SRRM1: variants seen among roughly 807,000 people sequenced by gnomAD.
SRRM1 encodes serine/arginine repetitive matrix protein 1.
SRRM1 carries 19 observed loss-of-function variants against 110.2 expected under a neutral mutation model. That is an observed-to-expected ratio of 0.17 (90% confidence interval 0.12 to 0.25). The LOEUF (loss-of-function observed/expected upper bound fraction) is 0.25, where lower values mean the gene tolerates loss of function less well. Among genes scored for constraint, SRRM1 ranks in the 10% least tolerant of loss-of-function variants. SRRM1 has a pLI of 1.00. For missense variants in SRRM1, 918 were observed against 1,145.8 expected (o/e 0.80, Z 2.87); for synonymous variants, 443 against 414.9 (o/e 1.07, Z -0.82).
intron 8 of SRRM1, among the ~76,000 whole-genome samples, chr1:24,654,558 C>T (rs759684431): frequency 1.3e-5 from 2 of 152,174 alleles, no homozygotes; most frequent in Non-Finnish European, 1.5e-5. Context: ...ATTCCTAAGG[C>T]AGAAGGACTA....
chr1:24,651,636 T>C, intron 6 of SRRM1, 24 bp downstream of exon 6: 1 of 1,541,844 alleles, frequency 6.5e-7, no homozygotes, highest in Non-Finnish European at 8.9e-7. Context: ...AATTCATTTA[T>C]AAATAATCAC....
chr1:24,654,744 TA>T, intron 8 of SRRM1, 110 bp from the exon 9 acceptor site: 1 of 1,342,530 alleles, frequency 7.4e-7, no homozygotes, highest in Non-Finnish European at 1.0e-6. Flanking sequence ...CTTAGCTACA[TA>T]AACTCAAAAG....
At chr1:24,670,048 G>A (rs1671943711) in intron 14 of SRRM1, 72 bp from the exon 15 acceptor site, 1 of 1,312,646 alleles carries the variant, frequency 7.6e-7, no homozygotes, top group Non-Finnish European at 1.0e-6. Flanking sequence ...GTTGTACAGT[G>A]TAGTTGGTGG....
chr1:24,654,780 G>A (rs1663040999), intron 8 of SRRM1, 75 bp from the exon 9 acceptor site: 7 of 1,547,218 alleles, frequency 4.5e-6, no homozygotes, highest in South Asian at 3.5e-5. Context: ...CTGTATTTTT[G>A]TGTAAACTGT....
intron 14 of SRRM1, 55 bp from the exon 15 acceptor site, chr1:24,670,065 C>T (rs1363486096): frequency 3.4e-6 from 5 of 1,462,304 alleles, no homozygotes; most frequent in Admixed American, 2.4e-5. Context: ...GTGGTTTTCT[C>T]ATGTGAAGAG....
chr1:24,663,914 T>TAATAAA (rs1053918630), intron 12 of SRRM1, among the ~76,000 whole-genome samples: 1 of 120,088 alleles, frequency 8.3e-6, no homozygotes, highest in Admixed American at 8.4e-5. Flanking sequence ...ATAATAATAA[T>TAATAAA]AAATAAAAGC....
chr1:24,662,742 A>ACCT lies in SRRM1; in HGVS notation c.1567_1568insCTC (p.Arg522_His523insPro), dbSNP rs1557717322. The ACCT allele has an allele frequency of 6.2e-7, 1 of 1,614,206 alleles. No individual in the cohort carries two copies. On this transcript the variant is annotated inframe_insertion, in exon 12 of 17. Transcript: ENST00000323848. The stretch of plus-strand genomic sequence containing the variant: ...ATGGTGAGGTTGGCAGGCGGCGGAG[A>ACCT]CATTCCCCTTCCCGGAGTGCTTCTC...
Position 24,650,071 on chromosome 1 carries a change from C to A in SRRM1, c.506C>A (p.Ser169Tyr). 1 of 1,584,444 alleles carries A rather than the reference C, an allele frequency of 6.3e-7. No individual in the cohort carries two copies. The highest frequency in any genetic ancestry group is 1.2e-5 in the South Asian group (1 of 86,076). Residue 169 changes from serine (S) to tyrosine (Y), a missense_variant, in exon 5 of 17, where the codon TCT (serine) becomes TAT (tyrosine). Coordinates refer to ENST00000323848, the MANE Select transcript of SRRM1 (RefSeq NM_005839.4). ...KESSREKRER[S>Y]RSPRRRKSRS... Reference sequence around the variant, plus strand: ...AGCAGCAGAGAAAAAAGGGAGCGGTCTCGTAGCCCAAGAAGGTATCATACA... The same window carrying A: ...AGCAGCAGAGAAAAAAGGGAGCGGTATCGTAGCCCAAGAAGGTATCATACA...
rs752880409 is a variant in SRRM1, at chr1:24,651,482, C to G, written c.595C>G (p.Arg199Gly). The G allele has an allele frequency of 8.7e-6, 14 of 1,614,028 alleles. 1 individual carries two copies. ...VRRERKRSHS[R>G]SPRHRTKSRS... Reference sequence around the variant, plus strand: ...GAGAGAGAGAAAGCGCAGTCATTCTCGATCTCCCCGTCACAGAACCAAGAG... The same window carrying G: ...GAGAGAGAGAAAGCGCAGTCATTCTGGATCTCCCCGTCACAGAACCAAGAG... Residue 199 changes from arginine to glycine, a missense_variant, in exon 6 of 17, where the codon CGA becomes GGA. Around this residue, in one of 5 missense-constraint regions of SRRM1, gnomAD observed 456 missense variants for 453.5 expected, o/e 1.01. Transcript: ENST00000323848.
At chr1:24,661,505 ATCTG>A in intron 11 of SRRM1, 109 bp downstream of exon 11, 1 of 733,868 alleles carries the variant, frequency 1.4e-6, no homozygotes. Flanking sequence ...CTACATAGAA[ATCTG>A]TCTGAGGAGG....
rs1314030581 is a variant in SRRM1 at position 24,660,782 on chromosome 1, T to C, written c.1379T>C (p.Val460Ala). 2 of 1,596,538 alleles carry C rather than the reference T, an allele frequency of 1.3e-6. No individual in the cohort carries two copies. The highest frequency in any genetic ancestry group is 8.5e-7 in the Non-Finnish European group (1 of 1,173,164). ...TCACCAGCACCGAAGCCTAGAAAAG[T>C]AGAGTTATCTGAATCGGGTAAGTTT... ...SPSPAPKPRK[V>A]ELSESEEDKG... The change falls in exon 10 of 17, where the codon GTA (valine) becomes GCA (alanine). Residue 460 changes from valine (V) to alanine (A), a missense_variant. Val to Ala is a moderately conservative substitution (Grantham distance 64). Transcript: ENST00000323848.
At chr1:24,655,211 C>A in intron 9 of SRRM1, 82 bp downstream of exon 9, 1 of 1,438,388 alleles carries the variant, frequency 7.0e-7, no homozygotes, top group Non-Finnish European at 9.6e-7. Context: ...TGCTCACTCT[C>A]AAAGTATGAA....
chr1:24,672,226 G>A lies in SRRM1; in HGVS notation c.2655G>A (p.Lys885=), dbSNP rs1283781426. 3 of 1,611,230 alleles carry A rather than the reference G, an allele frequency of 1.9e-6. No homozygotes were observed. The highest frequency in any genetic ancestry group is 2.5e-6 in the Non-Finnish European group (3 of 1,178,628). The change falls in exon 17 of 17, where the codon AAG becomes AAA. Residue 885 remains lysine (K), a synonymous_variant. Transcript: ENST00000323848. The stretch of plus-strand genomic sequence containing the variant: ...AAGATAACCTTGATGATTTAGAAAA[G>A]CACCTGCGTGAAAAGGCCCTGAGAT... ...EAEDNLDDLE[K]HLREKALRSM... is the part of the protein sequence containing the mutation.
chr1:24,650,663 C>T (rs1174082699), intron 5 of SRRM1: 1 of 152,122 alleles, frequency 6.6e-6, no homozygotes, highest in East Asian at 1.9e-4. Flanking sequence ...TTTTAGGGTT[C>T]TGCTTATTTC....
chr1:24,666,772 C>A lies in SRRM1; in HGVS notation c.1629-43C>A, dbSNP rs749228007. On this transcript the variant is annotated intron_variant, in intron 12 of 16. Coordinates refer to ENST00000323848, the MANE Select transcript of SRRM1 (RefSeq NM_005839.4). ...AGAGTGAGACGCCATCACACACACACAAAAAAAAGAAAAAAAATTAACTAT... is the reference window on the plus strand; with the variant it reads ...AGAGTGAGACGCCATCACACACACAAAAAAAAAAGAAAAAAAATTAACTAT... 177 of 1,523,776 alleles carry A rather than the reference C, an allele frequency of 1.2e-4. 1 individual carries two copies. Among genetic ancestry groups the A allele is most frequent in the Middle Eastern group, 2.2e-4 (1 of 4,496 alleles). The allele number at this position is 1,523,776 out of a possible 1,614,324, so 94.4% of individuals were successfully genotyped here.
At position 24,672,334 on chromosome 1, in the gene SRRM1, T is replaced by A; in HGVS notation, c.*48T>A. 1 of 1,367,412 alleles carries A rather than the reference T, an allele frequency of 7.3e-7. No individual in the cohort carries two copies. The highest frequency in any genetic ancestry group is 1.0e-6 in the Non-Finnish European group (1 of 991,666). 84.7% of individuals were successfully genotyped at this position (1,367,412 alleles called of 1,614,324 possible). A position where few individuals can be genotyped will look rare whatever the true frequency, so the allele number is the denominator to read the frequency against. ...AAATTTTATTTGGTTTGTACGCAGT[T>A]CAATTTCAAAATTGCTAAAATGTGT... On this transcript the variant is annotated 3_prime_UTR_variant, in exon 17 of 17. Coordinates refer to ENST00000323848, the MANE Select transcript of SRRM1 (RefSeq NM_005839.4).
chr1:24,649,685 A>T (rs1659497668), intron 4 of SRRM1, among the ~76,000 whole-genome samples: 1 of 152,092 alleles, frequency 6.6e-6, no homozygotes, highest in African/African-American at 2.4e-5. Flanking sequence ...TTTCTTTTTT[A>T]TTTTATTTTT....
chr1:24,659,809 T>C (rs145269120), intron 9 of SRRM1, among the ~76,000 whole-genome samples: 116 of 152,360 alleles, frequency 7.6e-4, no homozygotes, highest in African/African-American at 2.6e-3. Context: ...ATTTCTATGT[T>C]ATTGGTAAAA....
rs754636388 is a variant in SRRM1 at position 24,652,962 on chromosome 1, C to G, written c.970C>G (p.Arg324Gly). ...AAGCCCAAGAAGGCGGCCATCTCCT[C>G]GAAGAAGAACTCCGCCAAGAAGAAT... Reference protein sequence around the residue: ...RPSPRRRPSPRRRTPPRRMPP... With the variant: ...RPSPRRRPSPGRRTPPRRMPP... The change falls in exon 8 of 17, where the codon CGA becomes GGA. Residue 324 changes from arginine to glycine, a missense_variant. Transcript: ENST00000323848. 19 of 1,613,918 alleles carry G rather than the reference C, an allele frequency of 1.2e-5. No homozygotes were observed. The Admixed American group carries it at 2.8e-4, about 24-fold the overall frequency.
Sources: allele counts gnomAD v4.1 joint callset (sites outside exome capture counted in the v4.1 genomes callset), GRCh38; gene constraint gnomAD v4.1.1; regional missense constraint gnomAD v4.1.1; transcripts MANE v1.5; gene names NCBI Gene and HGNC (gene_info 2026-07-23, HGNC 2026-07-21).